The following SLC7A11 variants were observed in gnomAD, a reference collection of about 807,000 sequenced individuals.
SLC7A11 encodes solute carrier family 7 member 11, also known as cystine/glutamate transporter.
SLC7A11 carries 35 observed loss-of-function variants against 54.5 expected under a neutral mutation model. The ratio of observed to expected loss-of-function variants is 0.64; its 90% CI spans 0.49 to 0.85. SLC7A11 has a LOEUF of 0.85. Ranked by LOEUF, SLC7A11 falls within the 40% of genes least tolerant of loss-of-function variation. The probability of loss-of-function intolerance (pLI) is 0.00; values close to 1 mark genes in which losing one functional copy is unlikely to be tolerated. For synonymous variants in SLC7A11, 230 were observed against 225.2 expected, an observed-to-expected ratio of 1.02 and a Z score of -0.19; for missense variants, 583 against 618.1, an observed-to-expected ratio of 0.94 and a Z score of 0.60.
chr4:138,201,869 G>A (rs1287492354), intron 6 of SLC7A11, among the ~76,000 whole-genome samples: 1 of 152,088 alleles, frequency 6.6e-6, no homozygotes, highest in Non-Finnish European at 1.5e-5. Context: ...CACTTAGGTG[G>A]GAAAAGGAAT....
At chr4:138,240,104 G>A (rs560515524) in intron 1 of SLC7A11, among the ~76,000 whole-genome samples, 8 of 152,252 alleles carry the variant, frequency 5.3e-5, no homozygotes, top group African/African-American at 1.9e-4. Flanking sequence ...AAGATGGGAA[G>A]TAATACTGGG....
chr4:138,188,182 GC>G (rs1578638762), intron 6 of SLC7A11, among the ~76,000 whole-genome samples: 1 of 152,166 alleles, frequency 6.6e-6, no homozygotes. Flanking sequence ...TCCTGCCTCA[GC>G]CTCCCAGTAG....
intron 8 of SLC7A11, among the ~76,000 whole-genome samples, chr4:138,182,862 T>A (rs1736781049): frequency 6.6e-6 from 1 of 152,030 alleles, no homozygotes; most frequent in African/African-American, 2.4e-5. Flanking sequence ...ATGGTAGGGG[T>A]GGTGATTTCT....
rs192887338 is a variant in SLC7A11 at position 138,226,093 on chromosome 4, A to T, written c.521-2769T>A. On this transcript the variant is annotated intron_variant, in intron 3 of 11. Transcript: ENST00000280612. The stretch of plus-strand genomic sequence containing the variant: ...ATACTTTGTAAAGTTTTCTTAGGCA[A>T]ATGGAAGACAAAATTAAACAGATAT... Among the ~76,000 whole-genome samples, 857 of 152,266 alleles carry T rather than the reference A, an allele frequency of 5.6e-3. 5 individuals are homozygous for T. The highest frequency in any genetic ancestry group is 0.02 in the South Asian group (95 of 4,822).
chr4:138,203,992 A>G (rs1737348878), intron 6 of SLC7A11, among the ~76,000 whole-genome samples: 1 of 152,002 alleles, frequency 6.6e-6, no homozygotes, highest in Non-Finnish European at 1.5e-5. Context: ...ACTATTCCCT[A>G]AAACCAAGAA....
chr4:138,207,945 T>C (rs887647720), intron 6 of SLC7A11, among the ~76,000 whole-genome samples: 4 of 152,088 alleles, frequency 2.6e-5, no homozygotes, highest in African/African-American at 9.7e-5. Context: ...CAATAAGGAA[T>C]TAATACAGAT....
intron 6 of SLC7A11, among the ~76,000 whole-genome samples, chr4:138,204,898 C>T (rs971929555): frequency 1.3e-5 from 2 of 151,974 alleles, no homozygotes; most frequent in Non-Finnish European, 2.9e-5. Flanking sequence ...ACCTTTCAAG[C>T]TGATTAATAG....
chr4:138,224,772 AAAG>A (rs920030149), intron 3 of SLC7A11, among the ~76,000 whole-genome samples: 2 of 150,914 alleles, frequency 1.3e-5, no homozygotes, highest in African/African-American at 4.9e-5. Flanking sequence ...GAATGGATGG[AAAG>A]AAGGAAGGAA....
intron 6 of SLC7A11, among the ~76,000 whole-genome samples, chr4:138,203,703 T>C (rs1317636986): frequency 2.6e-5 from 4 of 152,108 alleles, no homozygotes; most frequent in Admixed American, 6.6e-5. Context: ...AACTAAAACA[T>C]ATCTTCATGG....
intron 6 of SLC7A11, among the ~76,000 whole-genome samples, chr4:138,212,322 T>G (rs1041330677): frequency 1.3e-5 from 2 of 151,860 alleles, no homozygotes; most frequent in Admixed American, 6.6e-5. Context: ...GAATAACATT[T>G]ACCTTGCTCT....
chr4:138,184,987 T>A (rs1288835177), intron 7 of SLC7A11, 134 bp downstream of exon 7: 4 of 940,396 alleles, frequency 4.3e-6, no homozygotes, highest in South Asian at 1.4e-5. Flanking sequence ...CTAAATTTTT[T>A]AAATATTCAC....
At chr4:138,180,898 C>T (rs1736725554) in intron 9 of SLC7A11, 108 bp from the exon 10 acceptor site, 3 of 948,364 alleles carry the variant, frequency 3.2e-6, no homozygotes, top group South Asian at 3.6e-5. Flanking sequence ...TTATTTATAC[C>T]GATAAATTAT....
At chr4:138,211,836 G>A (rs1473747488) in intron 6 of SLC7A11, among the ~76,000 whole-genome samples, 2 of 151,874 alleles carry the variant, frequency 1.3e-5, no homozygotes, top group Non-Finnish European at 2.9e-5. Flanking sequence ...AAAAAAAGTT[G>A]ACCCTATGGA....
intron 6 of SLC7A11, among the ~76,000 whole-genome samples, chr4:138,213,884 T>A (rs774233080): frequency 1.3e-5 from 2 of 152,140 alleles, no homozygotes; most frequent in Non-Finnish European, 2.9e-5. Flanking sequence ...AGTCTACATT[T>A]TATACTATAC....
intron 6 of SLC7A11, among the ~76,000 whole-genome samples, chr4:138,201,655 C>T (rs1465498721): frequency 2.0e-5 from 3 of 151,992 alleles, no homozygotes; most frequent in Admixed American, 2.0e-4. Context: ...TCAAGCAGTA[C>T]AGAAGAAAAG....
At chr4:138,214,819 T>A (rs1737641320) in intron 5 of SLC7A11, among the ~76,000 whole-genome samples, 190 bp from the exon 6 acceptor site, 1 of 152,138 alleles carries the variant, frequency 6.6e-6, no homozygotes, top group African/African-American at 2.4e-5. Flanking sequence ...GTGGAGTTTT[T>A]ATCATGTGTC....
intron 4 of SLC7A11, among the ~76,000 whole-genome samples, chr4:138,222,485 ATC>A (rs1311961925): frequency 1.3e-5 from 2 of 152,186 alleles, no homozygotes; most frequent in Non-Finnish European, 2.9e-5. Flanking sequence ...CCACATGTGA[ATC>A]TCTGTCCTCC....
At chr4:138,221,282 G>T (rs899882163) in intron 4 of SLC7A11, among the ~76,000 whole-genome samples, 1 of 152,142 alleles carries the variant, frequency 6.6e-6, no homozygotes, top group Non-Finnish European at 1.5e-5. Flanking sequence ...GTCTCATGAA[G>T]ATTAAAGGCA....
rs143734527 is a variant in SLC7A11 at position 138,219,358 on chromosome 4, C to T, written c.654G>A (p.Thr218=). The T allele has an allele frequency of 2.4e-4, 385 of 1,588,484 alleles. No individual in the cohort carries two copies. Among genetic ancestry groups the T allele is most frequent in the Admixed American group, 2.8e-4 (17 of 59,790 alleles). The change falls in exon 5 of 12, where the codon ACG becomes ACA. Residue 218 remains threonine, a synonymous_variant. Coordinates refer to ENST00000280612, the MANE Select transcript of SLC7A11 (RefSeq NM_014331.4). ...CTGAAAAGGCGTCTTTAAAGTTCTG[C>T]GTTTGACCTGTAATTAGAATAGACT... ...PGVMQLIKGQ[T]QNFKDAFSGR...
Sources: gnomAD v4.1 joint callset for allele counts (sites outside exome capture counted in the v4.1 genomes callset) on GRCh38, gnomAD v4.1.1 for gene constraint, MANE v1.5 for transcripts, NCBI Gene and HGNC (gene_info 2026-07-23, HGNC 2026-07-21) for gene names.